CDK19: variants seen among roughly 807,000 people sequenced by gnomAD.
CDK19 encodes cyclin dependent kinase 19, also known as cyclin-dependent kinase 19.
A neutral mutation model predicts 68.3 loss-of-function variants in CDK19; 20 were observed. That is an observed-to-expected ratio of 0.29 (90% CI 0.21 to 0.43). CDK19 has a LOEUF of 0.43. Among genes scored for constraint, CDK19 ranks in the 20% least tolerant of loss-of-function variants. CDK19 has a pLI of 1.00. For missense variants in CDK19, 339 were observed against 623.5 expected (o/e 0.54, Z 4.86); for synonymous variants, 221 against 222.8 (o/e 0.99, Z 0.07).
chr6:110,748,413 A>G (rs1778224471), intron 1 of CDK19, among the ~76,000 whole-genome samples: 1 of 152,254 alleles, frequency 6.6e-6, no homozygotes, highest in Non-Finnish European at 1.5e-5. Flanking sequence ...ATTTCACTTA[A>G]TAAGTTTAAA....
chr6:110,760,916 G>A (rs1461465291), intron 1 of CDK19, among the ~76,000 whole-genome samples: 4 of 152,114 alleles, frequency 2.6e-5, no homozygotes, highest in Admixed American at 2.0e-4. Context: ...TGCTTTAATC[G>A]CTATAGTGAT....
intron 1 of CDK19, among the ~76,000 whole-genome samples, chr6:110,762,523 G>A (rs1779297477): frequency 6.6e-6 from 1 of 152,162 alleles, no homozygotes; most frequent in African/African-American, 2.4e-5. Context: ...AAGTCACACA[G>A]CGAATAGGTT....
intron 1 of CDK19, among the ~76,000 whole-genome samples, chr6:110,773,292 C>T (rs1438354802): frequency 1.3e-5 from 2 of 150,826 alleles, no homozygotes; most frequent in Non-Finnish European, 3.0e-5. Context: ...TTGCAGTGAG[C>T]CAAGATCGCA....
Position 110,621,227 on chromosome 6 carries a change from GC to G in CDK19, c.1253del (p.Gly418AlafsTer14). The G allele has an allele frequency of 6.2e-7, 1 of 1,613,294 alleles. No individual in the cohort carries two copies. The highest frequency in any genetic ancestry group is 1.1e-5 in the South Asian group (1 of 91,042). On this transcript the variant is annotated frameshift_variant, in exon 12 of 13. Transcript: ENST00000368911. LOFTEE classifies it high-confidence loss of function. The surrounding 1 kb of genome is among the most constrained non-coding windows in gnomAD (Gnocchi z 5.4). ...TAGGAGAGVG[G>X]TGAGLQHSQD... ...GGCTGTGCTGCAACCCTGCTCCGGTGCCCCCGACCCCGGCCCCAGCCCCACC... is the reference window on the plus strand; with the variant it reads ...GGCTGTGCTGCAACCCTGCTCCGGTGCCCCGACCCCGGCCCCAGCCCCACC...
At chr6:110,748,831 C>G (rs1256509561) in intron 1 of CDK19, among the ~76,000 whole-genome samples, 1 of 152,208 alleles carries the variant, frequency 6.6e-6, no homozygotes, top group Non-Finnish European at 1.5e-5. Context: ...TACCTCACAG[C>G]TTAGATGTTT....
chr6:110,663,749 T>C (rs757172556), intron 4 of CDK19, among the ~76,000 whole-genome samples: 40 of 152,192 alleles, frequency 2.6e-4, no homozygotes, highest in Non-Finnish European at 5.0e-4. Flanking sequence ...CAGGCTACTC[T>C]TGAACTCCTG....
intron 2 of CDK19, among the ~76,000 whole-genome samples, chr6:110,730,108 T>C (rs1005068733): frequency 6.6e-6 from 1 of 152,172 alleles, no homozygotes; most frequent in African/African-American, 2.4e-5. Context: ...ATTGGAGTAC[T>C]AACAGCAAAA....
At chr6:110,678,636 C>G (rs1048811256) in intron 2 of CDK19, among the ~76,000 whole-genome samples, 2 of 152,176 alleles carry the variant, frequency 1.3e-5, no homozygotes, top group Non-Finnish European at 2.9e-5. Flanking sequence ...CTCTATATCC[C>G]TTATCTACAA....
chr6:110,750,355 G>A (rs1177940634), intron 1 of CDK19, among the ~76,000 whole-genome samples: 15 of 108,682 alleles, frequency 1.4e-4, no homozygotes, highest in Non-Finnish European at 2.1e-4. Flanking sequence ...GCAGCCAGAG[G>A]CAGAGCTAAG....
At position 110,799,228 on chromosome 6, in the gene CDK19, C is replaced by CA. The variant is rs1464154914; in HGVS notation, c.128+15780dup. Among the ~76,000 whole-genome samples the CA allele has an allele frequency of 6.6e-5, 7 of 105,412 alleles. No individual in the cohort carries two copies. In the East Asian group the frequency reaches 2.7e-3, roughly 40 times the overall value. The allele number at this position is 105,412 out of a possible 152,430, so 69.2% of individuals were successfully genotyped here. A position where few individuals can be genotyped will look rare whatever the true frequency, so the allele number is the denominator to read the frequency against. On this transcript the variant is annotated intron_variant, in intron 1 of 12. Coordinates refer to ENST00000368911, the MANE Select transcript of CDK19 (RefSeq NM_015076.5). ...TCCAAGAAAAACCACACATAGAATA[C>CA]AAAGAAAAACTACTAGCTGAATATG...
chr6:110,706,453 C>G (rs561476350), intron 2 of CDK19: 1 of 110,824 alleles, frequency 9.0e-6, no homozygotes, highest in African/African-American at 3.3e-5. Flanking sequence ...CTGGCTCTGT[C>G]GCCCATGCTG....
At chr6:110,713,755 G>C (rs994535940) in intron 2 of CDK19, among the ~76,000 whole-genome samples, 1 of 152,008 alleles carries the variant, frequency 6.6e-6, no homozygotes, top group Non-Finnish European at 1.5e-5. Flanking sequence ...GGGCACTCAG[G>C]CCTGTAATCC....
intron 4 of CDK19, among the ~76,000 whole-genome samples, chr6:110,654,098 C>T (rs1282004440): frequency 3.3e-5 from 5 of 152,152 alleles, no homozygotes; most frequent in African/African-American, 9.7e-5. Context: ...ATGAACAGTG[C>T]CGGCTTGATA....
At chr6:110,798,618 T>C (rs1258969180) in intron 1 of CDK19, among the ~76,000 whole-genome samples, 1 of 121,050 alleles carries the variant, frequency 8.3e-6, no homozygotes, top group Non-Finnish European at 1.6e-5. Flanking sequence ...AGAGTGAGAC[T>C]CTGTCTCCAG....
chr6:110,739,507 C>A (rs897332313), intron 2 of CDK19, among the ~76,000 whole-genome samples: 3 of 152,128 alleles, frequency 2.0e-5, no homozygotes, highest in Admixed American at 1.3e-4. Context: ...GACACCTCCT[C>A]AACCTATGCC....
chr6:110,684,733 A>T (rs1055443853), intron 2 of CDK19, among the ~76,000 whole-genome samples: 2 of 152,150 alleles, frequency 1.3e-5, no homozygotes, highest in Non-Finnish European at 2.9e-5. Flanking sequence ...TCCCACTGTA[A>T]CTCAAAATCC....
rs773915048 is a variant in CDK19, at chr6:110,623,394, G to A, written c.861-32C>T. On this transcript the variant is annotated intron_variant, in intron 8 of 12. Transcript: ENST00000368911. The stretch of plus-strand genomic sequence containing the variant: ...GGACACGCACAGTCACACATCACTG[G>A]GAACACTCATCCAATTGATATTTCT... 3 of 1,600,024 alleles carry A rather than the reference G, an allele frequency of 1.9e-6. No individual in the cohort carries two copies. In the South Asian group the frequency reaches 3.4e-5, roughly 18 times the overall value.
At chr6:110,808,315 A>G (rs544604438) in intron 1 of CDK19, among the ~76,000 whole-genome samples, 55 of 152,068 alleles carry the variant, frequency 3.6e-4, no homozygotes, top group Non-Finnish European at 6.6e-4. Flanking sequence ...ATCACTGCAG[A>G]AAGTTCTATT....
chr6:110,621,276 C>T lies in CDK19; in HGVS notation c.1205G>A (p.Ser402Asn). Reference protein sequence around the residue: ...PPQAPPPQQNSTQTNGTAGGA... With the variant: ...PPQAPPPQQNNTQTNGTAGGA... ...ACCTGCGGTCCCGTTGGTCTGGGTG[C>T]TGTTCTGCTGTGGTGGGGGCGCCTG... Residue 402 changes from serine (S) to asparagine (N), a missense_variant, in exon 12 of 13, where the codon AGC becomes AAC. This residue lies in a region of CDK19 where 155 missense variants were observed against 222.7 expected (regional missense o/e 0.70). Transcript: ENST00000368911. The surrounding 1 kb of genome is among the most constrained non-coding windows in gnomAD (Gnocchi z 5.4). 6.2e-7 allele frequency: 1 copy of T among 1,612,734 alleles called. No individual in the cohort carries two copies. The highest frequency in any genetic ancestry group is 8.5e-7 in the Non-Finnish European group (1 of 1,179,520).
Sources: gnomAD v4.1 joint callset for allele counts (sites outside exome capture counted in the v4.1 genomes callset) on GRCh38, gnomAD v4.1.1 for gene constraint, gnomAD v4.1.1 regional missense constraint, Gnocchi (gnomAD v3.1) non-coding constraint, MANE v1.5 for transcripts, NCBI Gene and HGNC (gene_info 2026-07-23, HGNC 2026-07-21) for gene names.